The following ZNF664 variants were observed in gnomAD, a reference collection of about 807,000 sequenced individuals.
ZNF664 encodes the protein zinc finger protein 664, also known as zinc finger Organ of Corti 1.
Under a neutral mutation model 18.2 loss-of-function variants are expected in ZNF664, and 10 were observed. That is an observed-to-expected ratio of 0.55 (90% CI 0.34 to 0.93). The LOEUF (loss-of-function observed/expected upper bound fraction) is 0.93, where lower values mean the gene tolerates loss of function less well. ZNF664 is among the 40% of genes least tolerant of loss of function. The pLI, the probability that ZNF664 is intolerant of heterozygous loss-of-function variation, is 0.02. For missense variants in ZNF664, 193 were observed against 319.0 expected, an observed-to-expected ratio of 0.61 and a Z score of 3.01; for synonymous variants, 119 against 104.2, an observed-to-expected ratio of 1.14 and a Z score of -0.86.
In ZNF664 at chr12:124,012,942, A is replaced by T. The variant is rs1231442184; in HGVS notation, c.*12A>T. The T allele has an allele frequency of 6.2e-7, 1 of 1,609,520 alleles. No homozygotes were observed. Among genetic ancestry groups the T allele is most frequent in the Non-Finnish European group, 8.5e-7 (1 of 1,178,406 alleles). ...TATCAGTTATATAAAACGTTTTGCTAAGAGTTTAAAATCTTAAAACCCATA... is the reference window on the plus strand; with the variant it reads ...TATCAGTTATATAAAACGTTTTGCTTAGAGTTTAAAATCTTAAAACCCATA... On this transcript the variant is annotated 3_prime_UTR_variant, in exon 5 of 5. Transcript: ENST00000337815.
At position 124,004,314 on chromosome 12, in the gene ZNF664, A is replaced by G. The variant is rs141531792; in HGVS notation, c.-660-7067A>G. On this transcript the variant is annotated intron_variant, in intron 3 of 4. Transcript: ENST00000337815. ...TAAAGACAAACAGGGCCACATTAGT[A>G]GGACAAAGATTGAAAGAGGACTGGA... Among the ~76,000 whole-genome samples, 840 of 152,340 alleles carry G rather than the reference A, an allele frequency of 5.5e-3. 5 individuals carry two copies. Among genetic ancestry groups the G allele is most frequent in the African/African-American group, 0.019 (799 of 41,576 alleles).
At chr12:123,991,592 G>A (rs989495717) in intron 3 of ZNF664, among the ~76,000 whole-genome samples, 4 of 152,204 alleles carry the variant, frequency 2.6e-5, no homozygotes, top group African/African-American at 9.7e-5. Context: ...CACTCTGATA[G>A]GTACTTTCAT....
At chr12:124,005,803 CCTCCCTGGTACTGGG>C (rs1306282777) in intron 3 of ZNF664, 1 of 152,488 alleles carries the variant, frequency 6.6e-6, no homozygotes, top group Non-Finnish European at 1.5e-5. Flanking sequence ...TTGTCCTATA[CCTCCCTGGTACTGGG>C]CTCTGCACCA....
intron 3 of ZNF664, among the ~76,000 whole-genome samples, chr12:124,004,707 C>A (rs148343314): frequency 1.4e-3 from 216 of 152,270 alleles, no homozygotes; most frequent in Middle Eastern, 6.8e-3. Flanking sequence ...AGCTGCTCCC[C>A]ATTGCTTGCA....
intron 2 of ZNF664, among the ~76,000 whole-genome samples, chr12:123,984,877 A>G (rs563123299): frequency 6.6e-6 from 1 of 152,206 alleles, no homozygotes; most frequent in African/African-American, 2.4e-5. Context: ...GAGACAGGAC[A>G]TACTGTATGG....
At chr12:124,008,743 T>C (rs1220597151) in intron 3 of ZNF664, among the ~76,000 whole-genome samples, 1 of 152,206 alleles carries the variant, frequency 6.6e-6, no homozygotes, top group Admixed American at 6.5e-5. Context: ...GTTTGTATAT[T>C]GAATGCGTCT....
chr12:123,974,046 C>T (rs912312225), intron 2 of ZNF664, 26 bp downstream of exon 2: 6 of 1,006,504 alleles, frequency 6.0e-6, no homozygotes, highest in Admixed American at 4.7e-5. Flanking sequence ...GCGCTGTCCA[C>T]TTCCCTCTGA....
chr12:124,014,813 G>T lies in ZNF664; in HGVS notation c.*1883G>T, dbSNP rs1405068461. 1 of 165,922 alleles carries T rather than the reference G, an allele frequency of 6.0e-6. No homozygotes were observed. Among genetic ancestry groups the T allele is most frequent in the African/African-American group, 2.4e-5 (1 of 41,460 alleles). 10.3% of individuals were successfully genotyped at this position (165,922 alleles called of 1,614,324 possible). The stretch of plus-strand genomic sequence containing the variant: ...TTAAAAGGAGCACATGATTTAGTGG[G>T]TGGGCCATGAAACTAGAGATGGGAT... On this transcript the variant is annotated 3_prime_UTR_variant, in exon 5 of 5. Coordinates refer to ENST00000337815, the MANE Select transcript of ZNF664 (RefSeq NM_152437.3).
At chr12:124,001,593 A>C (rs1001561373) in intron 3 of ZNF664, among the ~76,000 whole-genome samples, 1 of 152,314 alleles carries the variant, frequency 6.6e-6, no homozygotes, top group East Asian at 1.9e-4. Flanking sequence ...GTCAGCCATC[A>C]GTTCAAAGTG....
intron 3 of ZNF664, among the ~76,000 whole-genome samples, chr12:123,989,770 C>T (rs1295297097): frequency 6.6e-6 from 1 of 152,200 alleles, no homozygotes; most frequent in Non-Finnish European, 1.5e-5. Context: ...AGTGCCAGTC[C>T]TACAAGATCA....
chr12:123,973,478 A>C, intron 1 of ZNF664, 126 bp downstream of exon 1: 9 of 546,004 alleles, frequency 1.6e-5, no homozygotes, highest in Non-Finnish European at 1.9e-5. Context: ...AAAACAACCC[A>C]TCCCGGAGGA....
rs1034299805 is a variant in ZNF664, at chr12:124,015,350, A to G, written c.*2420A>G. On this transcript the variant is annotated 3_prime_UTR_variant, in exon 5 of 5. Transcript: ENST00000337815. ...AATTTTATGTCGAGCTTTAAAGTCC[A>G]TAATTGTTATCTTCAGAAAATATTA... 6 of 166,986 alleles carry G rather than the reference A, an allele frequency of 3.6e-5. No homozygotes were observed. Among genetic ancestry groups the G allele is most frequent in the African/African-American group, 1.4e-4 (6 of 41,464 alleles). 10.3% of individuals were successfully genotyped at this position (166,986 alleles called of 1,614,324 possible). A position where few individuals can be genotyped will look rare whatever the true frequency, so the allele number is the denominator to read the frequency against.
At chr12:124,008,521 C>T (rs907062946) in intron 3 of ZNF664, among the ~76,000 whole-genome samples, 1 of 152,192 alleles carries the variant, frequency 6.6e-6, no homozygotes, top group South Asian at 2.1e-4. Flanking sequence ...GAGGAGAATG[C>T]ACATATTAGC....
At chr12:123,998,676 C>G (rs1040049524) in intron 3 of ZNF664, 1 of 152,392 alleles carries the variant, frequency 6.6e-6, no homozygotes, top group Non-Finnish European at 1.5e-5. Context: ...TGTCAAAGCT[C>G]CACTCAAACA....
At chr12:123,985,137 A>G (rs1956809228) in intron 2 of ZNF664, among the ~76,000 whole-genome samples, 1 of 152,102 alleles carries the variant, frequency 6.6e-6, no homozygotes, top group African/African-American at 2.4e-5. Flanking sequence ...CAGTAGTGAA[A>G]GTGAGAAGAG....
intron 3 of ZNF664, among the ~76,000 whole-genome samples, chr12:124,010,854 C>T (rs147832671): frequency 8.1e-4 from 123 of 152,240 alleles, no homozygotes; most frequent in Non-Finnish European, 1.5e-3. Flanking sequence ...CAAAGCTCTG[C>T]ACAAAGTAGG....
At chr12:123,973,643 A>AG in intron 1 of ZNF664, 1 of 563,922 alleles carries the variant, frequency 1.8e-6, no homozygotes, top group Non-Finnish European at 2.4e-6. Context: ...GGTGCGAGCG[A>AG]GGGCTGGGCA....
chr12:123,994,651 G>A (rs531657916), intron 3 of ZNF664, among the ~76,000 whole-genome samples: 1 of 152,318 alleles, frequency 6.6e-6, no homozygotes, highest in Admixed American at 6.5e-5. Flanking sequence ...AGCCTTTTCA[G>A]ATAATTGTGG....
chr12:123,983,248 C>A (rs1244579929), intron 2 of ZNF664, among the ~76,000 whole-genome samples: 1 of 152,214 alleles, frequency 6.6e-6, no homozygotes, highest in African/African-American at 2.4e-5. Context: ...TTGTAAGACA[C>A]TGAAAGAAGA....
Sources: gnomAD v4.1 joint callset for allele counts (sites outside exome capture counted in the v4.1 genomes callset) on GRCh38, gnomAD v4.1.1 for gene constraint, MANE v1.5 for transcripts, NCBI Gene and HGNC (gene_info 2026-07-23, HGNC 2026-07-21) for gene names.